The following VCL variants were observed in gnomAD, a reference collection of about 807,000 sequenced individuals.
VCL encodes vinculin.
In VCL, 47 loss-of-function variants were observed where a neutral mutation model predicts 125.7. The ratio of observed to expected loss-of-function variants is 0.37; its 90% CI spans 0.30 to 0.48. VCL has a LOEUF of 0.48. VCL is among the 20% of genes least tolerant of loss of function. VCL has a pLI of 0.99. For missense variants in VCL, 1,069 were observed against 1,455.5 expected (o/e 0.73, Z 4.32); for synonymous variants, 458 against 514.6 (o/e 0.89, Z 1.49).
At chr10:74,096,640 AG>A (rs1232365555) in intron 12 of VCL, among the ~76,000 whole-genome samples, 2 of 152,226 alleles carry the variant, frequency 1.3e-5, no homozygotes, top group Non-Finnish European at 2.9e-5. Context: ...ATGGCTTCTA[AG>A]AATACTCTTA....
At chr10:74,030,313 G>C (rs1370471574) in intron 1 of VCL, among the ~76,000 whole-genome samples, 2 of 152,162 alleles carry the variant, frequency 1.3e-5, no homozygotes, top group African/African-American at 4.8e-5. Flanking sequence ...CCAGAAGTCT[G>C]TTTCTTTTTA....
chr10:74,000,604 G>C (rs567842554), intron 1 of VCL, among the ~76,000 whole-genome samples: 2 of 152,126 alleles, frequency 1.3e-5, no homozygotes, highest in African/African-American at 4.8e-5. Flanking sequence ...TAGTAGAGGC[G>C]GGGTTTCACC....
chr10:74,056,605 G>A (rs900945656), intron 2 of VCL, among the ~76,000 whole-genome samples: 3 of 152,138 alleles, frequency 2.0e-5, no homozygotes, highest in South Asian at 4.1e-4. Context: ...GTGTACACCC[G>A]TGTGAGTTGG....
chr10:74,003,643 T>C (rs1840268883), intron 1 of VCL, among the ~76,000 whole-genome samples: 1 of 152,208 alleles, frequency 6.6e-6, no homozygotes, highest in African/African-American at 2.4e-5. Flanking sequence ...GTATATCATA[T>C]GTTCTTGGGA....
intron 2 of VCL, among the ~76,000 whole-genome samples, chr10:74,048,173 A>T (rs1841225556): frequency 1.3e-5 from 2 of 152,184 alleles, no homozygotes. Context: ...CCCTATAAGA[A>T]ATCATTTGTT....
chr10:74,089,476 T>C, intron 9 of VCL, 127 bp downstream of exon 9: 2 of 1,382,740 alleles, frequency 1.4e-6, no homozygotes, highest in South Asian at 2.5e-5. Context: ...AAGTGATGAG[T>C]GACTTCCAGC....
intron 2 of VCL, among the ~76,000 whole-genome samples, chr10:74,046,148 C>CT (rs1841193587): frequency 6.6e-6 from 1 of 152,042 alleles, no homozygotes; most frequent in Non-Finnish European, 1.5e-5. Flanking sequence ...GTGGGAGTAT[C>CT]TTTTTTGTCC....
chr10:74,017,041 C>G (rs1840555328), intron 1 of VCL, among the ~76,000 whole-genome samples: 1 of 115,244 alleles, frequency 8.7e-6, no homozygotes, highest in African/African-American at 3.7e-5. Flanking sequence ...GTCAGAATTT[C>G]CTTCCTTTTT....
At chr10:74,013,120 T>C (rs1296246841) in intron 1 of VCL, among the ~76,000 whole-genome samples, 1 of 152,186 alleles carries the variant, frequency 6.6e-6, no homozygotes, top group Non-Finnish European at 1.5e-5. Context: ...TGGAGTAAAG[T>C]ATTTGTTCAA....
intron 13 of VCL, among the ~76,000 whole-genome samples, chr10:74,098,616 G>A (rs997677481): frequency 1.9e-4 from 29 of 152,198 alleles, no homozygotes; most frequent in African/African-American, 6.5e-4. Context: ...AAGGAGTTTA[G>A]GAAAGCAAGT....
chr10:74,091,144 C>T lies in VCL; in HGVS notation c.1352+946C>T, dbSNP rs181527010. ...ATATTTTTCACTTTTAAGAAAAAAA[C>T]CCCTGCAGCACATGCTAAAATAACA... On this transcript the variant is annotated intron_variant, in intron 10 of 21. Coordinates refer to ENST00000211998, the MANE Select transcript of VCL (RefSeq NM_014000.3). 1.5e-3 allele frequency among the ~76,000 whole-genome samples: 223 copies of T among 152,180 alleles called. 1 individual carries two copies. The highest frequency in any genetic ancestry group is 5.0e-3 in the African/African-American group (208 of 41,534).
intron 17 of VCL, 35 bp downstream of exon 17, chr10:74,107,389 G>A: frequency 1.2e-6 from 2 of 1,614,106 alleles, no homozygotes; most frequent in Non-Finnish European, 1.7e-6. Context: ...AATTGAGCAG[G>A]AAGGTGTTGA....
chr10:74,046,891 TTAAA>T (rs1447002553), intron 2 of VCL, among the ~76,000 whole-genome samples: 2 of 152,272 alleles, frequency 1.3e-5, no homozygotes, highest in African/African-American at 2.4e-5. Flanking sequence ...CTTAGAAAAA[TTAAA>T]AATGAGCACA....
intron 1 of VCL, among the ~76,000 whole-genome samples, chr10:73,999,849 T>C (rs1196307304): frequency 2.0e-5 from 3 of 152,204 alleles, no homozygotes; most frequent in African/African-American, 7.2e-5. Flanking sequence ...TACATTGTTC[T>C]TCTTTTTATA....
chr10:74,019,426 C>T (rs958404197), intron 1 of VCL, among the ~76,000 whole-genome samples: 1 of 152,000 alleles, frequency 6.6e-6, no homozygotes. Context: ...CCCTACAGGC[C>T]CCAGTGTGTG....
intron 10 of VCL, 86 bp from the exon 11 acceptor site, chr10:74,094,185 C>A: frequency 6.5e-7 from 1 of 1,528,296 alleles, no homozygotes; most frequent in Non-Finnish European, 8.9e-7. Flanking sequence ...AATTTGTCAT[C>A]CTATTAGCAT....
chr10:74,090,734 C>T (rs1839868711), intron 10 of VCL, among the ~76,000 whole-genome samples: 1 of 152,090 alleles, frequency 6.6e-6, no homozygotes, highest in African/African-American at 2.4e-5. Flanking sequence ...GCCTCCTCTC[C>T]TAAAGTCTCT....
At chr10:74,105,491 G>T in intron 16 of VCL, 138 bp downstream of exon 16, 1 of 1,115,282 alleles carries the variant, frequency 9.0e-7, no homozygotes, top group East Asian at 2.5e-5. Context: ...GAGAATGCTA[G>T]ATTAATCTTT....
chr10:74,047,972 C>T (rs1306622535), intron 2 of VCL, among the ~76,000 whole-genome samples: 1 of 152,134 alleles, frequency 6.6e-6, no homozygotes, highest in Admixed American at 6.5e-5. Context: ...GTTATTTGAT[C>T]CCTGGCTGCA....
Sources: gnomAD v4.1 joint callset for allele counts (sites outside exome capture counted in the v4.1 genomes callset) on GRCh38, gnomAD v4.1.1 for gene constraint, MANE v1.5 for transcripts, NCBI Gene and HGNC (gene_info 2026-07-23, HGNC 2026-07-21) for gene names.